Variants in KCNK2 observed in about 807,000 individuals in gnomAD.
KCNK2 encodes potassium two pore domain channel subfamily K member 2, also known as potassium channel subfamily K member 2.
In KCNK2, 21 loss-of-function variants were observed where a neutral mutation model predicts 40.5. The observed-to-expected ratio is 0.52, with a 90% CI of 0.37 to 0.75. The LOEUF (loss-of-function observed/expected upper bound fraction) is 0.75. Ranked by LOEUF, KCNK2 falls within the 30% of genes least tolerant of loss-of-function variation. KCNK2 has a pLI of 0.00. For missense variants in KCNK2, 399 were observed against 531.6 expected (o/e 0.75, Z 2.45); for synonymous variants, 191 against 202.2 (o/e 0.94, Z 0.47).
chr1:215,144,909 A>C (rs1384391706), intron 3 of KCNK2, among the ~76,000 whole-genome samples: 1 of 152,178 alleles, frequency 6.6e-6, no homozygotes, highest in Non-Finnish European at 1.5e-5. Flanking sequence ...ACAGCTGCTA[A>C]TGTCTGTTTG....
chr1:215,022,607 C>T (rs953027112), intron 1 of KCNK2, among the ~76,000 whole-genome samples: 2 of 152,050 alleles, frequency 1.3e-5, no homozygotes, highest in African/African-American at 4.8e-5. Flanking sequence ...TTTTAAAATG[C>T]ACTCCCTTAC....
chr1:215,209,352 A>T (rs1447834583), intron 6 of KCNK2, among the ~76,000 whole-genome samples: 3 of 79,484 alleles, frequency 3.8e-5, no homozygotes, highest in Non-Finnish European at 6.8e-5. Context: ...TATATATATT[A>T]TATATAATAT....
At chr1:215,042,551 A>G (rs762509880) in intron 1 of KCNK2, among the ~76,000 whole-genome samples, 43 of 152,240 alleles carry the variant, frequency 2.8e-4, no homozygotes, top group Middle Eastern at 6.3e-3. Flanking sequence ...AGACAAAGGA[A>G]GCACTGAATT....
intron 1 of KCNK2, among the ~76,000 whole-genome samples, chr1:215,051,058 C>A (rs1049432394): frequency 4.6e-5 from 7 of 152,122 alleles, no homozygotes; most frequent in African/African-American, 9.7e-5. Flanking sequence ...GCCTTAATAA[C>A]CTTTTGAAAG....
intron 6 of KCNK2, among the ~76,000 whole-genome samples, chr1:215,228,863 G>A (rs1040075568): frequency 6.6e-6 from 1 of 152,008 alleles, no homozygotes. Flanking sequence ...TTTAGAGTTT[G>A]AGTAGACAAT....
chr1:215,036,679 A>T (rs1267230772), intron 1 of KCNK2, among the ~76,000 whole-genome samples: 1 of 151,880 alleles, frequency 6.6e-6, no homozygotes, highest in African/African-American at 2.4e-5. Flanking sequence ...CTCTCCATTT[A>T]CTTAAATCTT....
chr1:215,223,880 TA>T (rs977361675), intron 6 of KCNK2, among the ~76,000 whole-genome samples: 9 of 147,928 alleles, frequency 6.1e-5, no homozygotes, highest in Admixed American at 3.4e-4. Context: ...GTATGCTGGG[TA>T]AAAAAAAAAC....
intron 3 of KCNK2, among the ~76,000 whole-genome samples, chr1:215,150,793 T>C (rs571233578): frequency 6.6e-6 from 1 of 152,002 alleles, no homozygotes; most frequent in South Asian, 2.1e-4. Context: ...ATTTACTAGG[T>C]ATTTAATTCC....
rs1289561903 is a variant in KCNK2 at position 215,083,236 on chromosome 1, C to CCCCCCCCT, written c.-149_-148insCCCCCCTC. 4 of 1,606,948 alleles carry CCCCCCCCT rather than the reference C, an allele frequency of 2.5e-6. No homozygotes were observed. The highest frequency in any genetic ancestry group is 2.2e-5 in the South Asian group (2 of 90,856). ...CCCGCGTCCAGCCCCGCTCTCCCCA[C>CCCCCCCCT]CTTGTAAAACAAAGCCGGGGAAAAT... is the stretch of plus-strand genomic sequence containing the variant. On this transcript the variant is annotated 5_prime_UTR_variant, in exon 1 of 7. Coordinates refer to ENST00000444842, the MANE Select transcript of KCNK2 (RefSeq NM_001017425.3).
At chr1:215,108,644 A>G (rs1660544104) in intron 2 of KCNK2, among the ~76,000 whole-genome samples, 2 of 139,776 alleles carry the variant, frequency 1.4e-5, no homozygotes, top group South Asian at 4.4e-4. Flanking sequence ...TTATAGTTTC[A>G]GGCCTTATGT....
intron 3 of KCNK2, among the ~76,000 whole-genome samples, chr1:215,158,751 A>G (rs896429247): frequency 1.3e-5 from 2 of 152,180 alleles, no homozygotes; most frequent in African/African-American, 4.8e-5. Context: ...AATTGGATGA[A>G]ATAGGATAAC....
chr1:215,210,032 ATAAT>A (rs1280280693), intron 6 of KCNK2, among the ~76,000 whole-genome samples: 5 of 39,094 alleles, frequency 1.3e-4, no homozygotes, highest in Non-Finnish European at 2.2e-4. Flanking sequence ...TATATTATAT[ATAAT>A]ATATATAATA....
At chr1:215,157,766 G>A (rs113804380) in intron 3 of KCNK2, among the ~76,000 whole-genome samples, 14 of 152,218 alleles carry the variant, frequency 9.2e-5, no homozygotes, top group African/African-American at 3.1e-4. Context: ...CTACTCTACC[G>A]CTTATAGTCA....
chr1:215,213,155 C>T (rs916226753), intron 6 of KCNK2, among the ~76,000 whole-genome samples: 1 of 152,118 alleles, frequency 6.6e-6, no homozygotes, highest in Non-Finnish European at 1.5e-5. Flanking sequence ...ATAGACAATG[C>T]TTTTGTTACT....
chr1:215,066,876 G>T (rs2102512205), intron 1 of KCNK2, among the ~76,000 whole-genome samples: 3 of 152,066 alleles, frequency 2.0e-5, no homozygotes, highest in Admixed American at 2.0e-4. Context: ...CGTCAATCTT[G>T]ACAACATACA....
intron 1 of KCNK2, among the ~76,000 whole-genome samples, chr1:215,032,263 A>C (rs1657228317): frequency 6.6e-6 from 1 of 152,014 alleles, no homozygotes; most frequent in Non-Finnish European, 1.5e-5. Context: ...TTTTAAAATT[A>C]GGCGGGTATG....
upstream of KCNK2, among the ~76,000 whole-genome samples, chr1:215,078,426 C>T (rs142694895): frequency 1.9e-3 from 290 of 152,250 alleles, 2 homozygotes; most frequent in African/African-American, 6.5e-3. Flanking sequence ...TTCATAGTTC[C>T]GCATGGCTGG....
At chr1:215,167,596 A>G (rs1482297407) in intron 3 of KCNK2, among the ~76,000 whole-genome samples, 4 of 152,190 alleles carry the variant, frequency 2.6e-5, no homozygotes, top group Non-Finnish European at 5.9e-5. Context: ...AGGCTTTAAG[A>G]TCTTTAAAAC....
chr1:215,089,585 G>A (rs923953868), intron 2 of KCNK2, among the ~76,000 whole-genome samples: 1 of 152,136 alleles, frequency 6.6e-6, no homozygotes, highest in East Asian at 1.9e-4. Context: ...ATGGGTAATG[G>A]AGCATTAAGG....
Sources: allele counts gnomAD v4.1 joint callset (sites outside exome capture counted in the v4.1 genomes callset), GRCh38; gene constraint gnomAD v4.1.1; transcripts MANE v1.5; gene names NCBI Gene and HGNC (gene_info 2026-07-23, HGNC 2026-07-21).